AKAP6: variants seen among roughly 807,000 people sequenced by gnomAD.
The protein encoded by AKAP6 is A-kinase anchoring protein 6.
In AKAP6, 58 loss-of-function variants were observed where a neutral mutation model predicts 188.5. The observed-to-expected ratio is 0.31, with a 90% CI of 0.25 to 0.38. The LOEUF is 0.38. Among genes scored for constraint, AKAP6 ranks in the 10% least tolerant of loss-of-function variants. AKAP6 has a pLI of 1.00. For synonymous variants in AKAP6, 989 were observed against 998.6 expected (o/e 0.99, Z 0.18); for missense variants, 2,710 against 2,740.0 (o/e 0.99, Z 0.24).
At chr14:32,742,437 G>A (rs765121788) in intron 11 of AKAP6, among the ~76,000 whole-genome samples, 2 of 151,162 alleles carry the variant, frequency 1.3e-5, no homozygotes, top group Non-Finnish European at 3.0e-5. Flanking sequence ...TGCTTTTCTA[G>A]TTCTTTAAGA....
intron 4 of AKAP6, among the ~76,000 whole-genome samples, chr14:32,559,514 C>T (rs552815853): frequency 1.3e-4 from 20 of 152,176 alleles, no homozygotes; most frequent in African/African-American, 4.8e-4. Context: ...GCAATCTTTG[C>T]GAAGATGGGA....
At chr14:32,657,838 TAA>T (rs5807672) in intron 7 of AKAP6, among the ~76,000 whole-genome samples, 6 of 151,764 alleles carry the variant, frequency 4.0e-5, no homozygotes, top group Middle Eastern at 3.4e-3. Context: ...ATTAAAGTAA[TAA>T]AAAAAATCTA....
chr14:32,757,254 A>T (rs2139931008), intron 11 of AKAP6, among the ~76,000 whole-genome samples: 1 of 152,266 alleles, frequency 6.6e-6, no homozygotes, highest in Non-Finnish European at 1.5e-5. Flanking sequence ...TTTGTGTATG[A>T]ATAGTTGTTC....
intron 3 of AKAP6, among the ~76,000 whole-genome samples, chr14:32,542,180 T>C (rs984336104): frequency 6.6e-6 from 1 of 152,186 alleles, no homozygotes; most frequent in African/African-American, 2.4e-5. Context: ...TACTGGCTCA[T>C]GGTCACATAG....
At chr14:32,489,348 C>T (rs775528896) in intron 2 of AKAP6, among the ~76,000 whole-genome samples, 1 of 152,026 alleles carries the variant, frequency 6.6e-6, no homozygotes, top group Non-Finnish European at 1.5e-5. Flanking sequence ...AGCTAGGACT[C>T]CAGGCAGATG....
At chr14:32,508,361 G>C (rs1880981729) in intron 2 of AKAP6, among the ~76,000 whole-genome samples, 1 of 152,208 alleles carries the variant, frequency 6.6e-6, no homozygotes, top group Admixed American at 6.5e-5. Context: ...GAACAGGGTA[G>C]TTGAAATAGA....
chr14:32,686,953 A>T (rs1234153383), intron 8 of AKAP6, among the ~76,000 whole-genome samples: 2 of 152,196 alleles, frequency 1.3e-5, no homozygotes, highest in African/African-American at 4.8e-5. Flanking sequence ...GAACACAGGA[A>T]TAGTTCATCC....
intron 2 of AKAP6, among the ~76,000 whole-genome samples, chr14:32,474,929 T>G (rs1878979547): frequency 6.6e-6 from 1 of 152,232 alleles, no homozygotes. Context: ...GGTGTACATA[T>G]GTTCACTTCC....
chr14:32,709,240 C>T (rs1011590210), intron 9 of AKAP6, among the ~76,000 whole-genome samples: 7 of 151,964 alleles, frequency 4.6e-5, no homozygotes, highest in African/African-American at 1.7e-4. Context: ...TGACAGCCAG[C>T]TCTTGTGGGA....
rs147421671 is a variant in AKAP6, at chr14:32,773,702, C to G, written c.3397C>G (p.Arg1133Gly). 6.2e-7 allele frequency: 1 copy of G among 1,614,022 alleles called. No individual in the cohort carries two copies. Among genetic ancestry groups the G allele is most frequent in the South Asian group, 1.1e-5 (1 of 91,078 alleles). ...FKSLCREIKQRRRGVASILRL... is the reference protein window; with the variant it reads ...FKSLCREIKQGRRGVASILRL... ...GTCCCTCTGTCGTGAAATCAAGCAA[C>G]GACGTCGAGGAGTTGCCTCCATTCT... The change falls in exon 12 of 14, where the codon CGA becomes GGA. Residue 1133 changes from arginine to glycine, a missense_variant. Physicochemically the swap from Arg to Gly is moderately radical, Grantham distance 125. Transcript: ENST00000280979.
At chr14:32,612,613 C>A (rs1886396971) in intron 7 of AKAP6, among the ~76,000 whole-genome samples, 1 of 151,934 alleles carries the variant, frequency 6.6e-6, no homozygotes, top group Admixed American at 6.6e-5. Flanking sequence ...CTATTTTTTC[C>A]CAAATAACTA....
Position 32,773,665 on chromosome 14 carries a change from C to T in AKAP6, c.3373-13C>T. 6.2e-7 allele frequency: 1 copy of T among 1,610,588 alleles called. No individual in the cohort carries two copies. The highest frequency in any genetic ancestry group is 8.5e-7 in the Non-Finnish European group (1 of 1,177,764). Reference sequence around the variant, plus strand: ...TATAAACACTCATAGATTGGTTTCTCTCTATGTTGCAGTCCCTCTGTCGTG... The same window carrying T: ...TATAAACACTCATAGATTGGTTTCTTTCTATGTTGCAGTCCCTCTGTCGTG... On this transcript the variant is annotated splice_polypyrimidine_tract_variant and intron_variant, in intron 11 of 13. Transcript: ENST00000280979.
intron 1 of AKAP6, among the ~76,000 whole-genome samples, chr14:32,394,476 G>T (rs1219236893): frequency 3.3e-5 from 5 of 152,142 alleles, no homozygotes; most frequent in Non-Finnish European, 5.9e-5. Context: ...CAGTGTCAGA[G>T]TCTCAAAAAG....
At chr14:32,480,462 TGAA>T (rs962411744) in intron 2 of AKAP6, among the ~76,000 whole-genome samples, 11 of 152,204 alleles carry the variant, frequency 7.2e-5, no homozygotes, top group Non-Finnish European at 1.0e-4. Context: ...GTAGTCATGA[TGAA>T]GGTGTCCATT....
intron 1 of AKAP6, among the ~76,000 whole-genome samples, chr14:32,374,273 C>T (rs1212464638): frequency 1.1e-4 from 17 of 152,070 alleles, no homozygotes; most frequent in Admixed American, 1.1e-3. Context: ...GTAAGTGCTA[C>T]AATGCAATTG....
intron 5 of AKAP6, among the ~76,000 whole-genome samples, chr14:32,588,018 A>C (rs937585903): frequency 5.3e-5 from 8 of 152,260 alleles, no homozygotes. Context: ...ACTTTGCTTA[A>C]AGAAAAACAT....
chr14:32,764,882 C>A (rs917253816), intron 11 of AKAP6, among the ~76,000 whole-genome samples: 4 of 150,318 alleles, frequency 2.7e-5, no homozygotes, highest in African/African-American at 9.8e-5. Context: ...AGTGCTCCAG[C>A]AATTGATAAG....
chr14:32,406,183 A>G (rs1889287641), intron 1 of AKAP6, among the ~76,000 whole-genome samples: 3 of 152,148 alleles, frequency 2.0e-5, no homozygotes, highest in Admixed American at 2.0e-4. Context: ...ATTAGCTTCC[A>G]TGTAGAATAG....
chr14:32,599,286 A>G (rs1330826375), intron 5 of AKAP6, 124 bp from the exon 6 acceptor site: 3 of 709,514 alleles, frequency 4.2e-6, no homozygotes, highest in African/African-American at 1.8e-5. Context: ...AGTATTGCAA[A>G]TTAGTTTGTC....
Sources: gnomAD v4.1 joint callset for allele counts (sites outside exome capture counted in the v4.1 genomes callset) on GRCh38, gnomAD v4.1.1 for gene constraint, MANE v1.5 for transcripts, NCBI Gene and HGNC (gene_info 2026-07-23, HGNC 2026-07-21) for gene names.